MTCL2: variants seen among roughly 807,000 people sequenced by gnomAD.
The protein encoded by MTCL2 is microtubule cross-linking factor 2.
chr20:36,840,154 G>GC, the MTCL2 span, among the ~76,000 whole-genome samples: 2 of 146,020 alleles, frequency 1.4e-5, no homozygotes, highest in East Asian at 4.0e-4. Context: ...GAGCCACCCT[G>GC]CCCAGCCTGG....
chr20:36,808,103 C>A, the MTCL2 span, among the ~76,000 whole-genome samples: 1 of 150,576 alleles, frequency 6.6e-6, no homozygotes, highest in East Asian at 2.0e-4. Flanking sequence ...TCTCGATCTC[C>A]TGACCTCGTG....
At chr20:36,842,065 T>C in the MTCL2 span, among the ~76,000 whole-genome samples, 2 of 152,138 alleles carry the variant, frequency 1.3e-5, no homozygotes, top group African/African-American at 4.8e-5. Context: ...GGTAAGAGTA[T>C]GACCTCACTT....
the MTCL2 span, among the ~76,000 whole-genome samples, chr20:36,841,877 GTGT>G: frequency 4.1e-3 from 296 of 71,760 alleles, 1 homozygote; most frequent in Middle Eastern, 0.031. Context: ...GGGGTGGGGT[GTGT>G]GTGTGTGTGT....
the MTCL2 span, among the ~76,000 whole-genome samples, chr20:36,841,874 G>GGGGTGTGTGTGTGTGTGTGT: frequency 1.4e-3 from 152 of 110,864 alleles, 2 homozygotes; most frequent in African/African-American, 4.6e-3. Flanking sequence ...TGGGGGGTGG[G>GGGGTGTGTGTGTGTGTGTGT]GTGTGTGTGT....
chr20:36,790,688 C>T, the MTCL2 span, among the ~76,000 whole-genome samples: 5 of 151,422 alleles, frequency 3.3e-5, no homozygotes, highest in Admixed American at 6.6e-5. Context: ...CCACCTGCCT[C>T]GGCCTCCCAA....
At chr20:36,855,256 C>T in the MTCL2 span, among the ~76,000 whole-genome samples, 3 of 152,330 alleles carry the variant, frequency 2.0e-5, no homozygotes, top group East Asian at 1.9e-4. Flanking sequence ...CTACAGATGA[C>T]GAGACCGAGG....
chr20:36,832,163 G>A, the MTCL2 span, among the ~76,000 whole-genome samples: 1 of 152,244 alleles, frequency 6.6e-6, no homozygotes, highest in African/African-American at 2.4e-5. Flanking sequence ...GTGAATGACT[G>A]AATATACATG....
chr20:36,797,628 C>G, the MTCL2 span: 1 of 1,508,258 alleles, frequency 6.6e-7, no homozygotes, highest in Middle Eastern at 1.7e-4. Flanking sequence ...TATGCAGGAC[C>G]CTGCTCTAAG....
chr20:36,803,369 C>A, the MTCL2 span, among the ~76,000 whole-genome samples: 2 of 152,210 alleles, frequency 1.3e-5, no homozygotes, highest in Non-Finnish European at 2.9e-5. Context: ...CTCATAAAAA[C>A]TCAGAAAGAT....
At chr20:36,817,306 A>T in the MTCL2 span, 22 of 919,106 alleles carry the variant, frequency 2.4e-5, no homozygotes, top group Non-Finnish European at 3.1e-5. Flanking sequence ...AAGGAAAATG[A>T]GCAAGGGGAG....
chr20:36,833,705 G>T, the MTCL2 span, among the ~76,000 whole-genome samples: 5 of 152,308 alleles, frequency 3.3e-5, no homozygotes, highest in Admixed American at 3.3e-4. Flanking sequence ...TTTAAAATTA[G>T]CAGGGCATGA....
chr20:36,813,752 C>CAAAAAAAAAAAAAAAAAAAAAAA, the MTCL2 span, among the ~76,000 whole-genome samples: 2 of 65,842 alleles, frequency 3.0e-5, no homozygotes, highest in Admixed American at 2.2e-4. Flanking sequence ...GACTCTGTCT[C>CAAAAAAAAAAAAAAAAAAAAAAA]AAAAAAAAAA....
At chr20:36,849,429 C>T in the MTCL2 span, among the ~76,000 whole-genome samples, 3 of 151,900 alleles carry the variant, frequency 2.0e-5, no homozygotes, top group Admixed American at 1.3e-4. Flanking sequence ...TTTCAAATCA[C>T]ACTTTTTACT....
At chr20:36,817,959 C>T in the MTCL2 span, among the ~76,000 whole-genome samples, 3 of 152,218 alleles carry the variant, frequency 2.0e-5, no homozygotes, top group Admixed American at 6.5e-5. Flanking sequence ...CCTCTCCCAG[C>T]GACAGCCATT....
the MTCL2 span, among the ~76,000 whole-genome samples, chr20:36,849,060 C>CTTTTT: frequency 3.1e-4 from 19 of 62,238 alleles, 3 homozygotes; most frequent in South Asian, 2.9e-3. Context: ...AGTTGGTTTC[C>CTTTTT]TTTTTTTTTT....
chr20:36,826,869 G>C, the MTCL2 span, among the ~76,000 whole-genome samples: 1 of 152,106 alleles, frequency 6.6e-6, no homozygotes, highest in Non-Finnish European at 1.5e-5. Flanking sequence ...ACCTAGAAGT[G>C]AGATTGCTGG....
chr20:36,787,796 G>C, the MTCL2 span, among the ~76,000 whole-genome samples: 2 of 148,834 alleles, frequency 1.3e-5, no homozygotes. Flanking sequence ...TAGGGCAGGA[G>C]AATCGCTTAA....
At chr20:36,841,884 T>TGTGG in the MTCL2 span, among the ~76,000 whole-genome samples, 2 of 88,540 alleles carry the variant, frequency 2.3e-5, no homozygotes, top group East Asian at 6.6e-4. Flanking sequence ...GGTGTGTGTG[T>TGTGG]GTGTGTGTGT....
the MTCL2 span, chr20:36,839,256 C>T: frequency 1.9e-6 from 3 of 1,608,278 alleles, no homozygotes; most frequent in South Asian, 1.1e-5. This position sits in a 1 kb window ranked among gnomAD's most constrained non-coding sequence, Gnocchi z 5.1. Context: ...GCTCGCCGTC[C>T]ACCTGGCCGG....
Sources: gnomAD v4.1 joint callset for allele counts (sites outside exome capture counted in the v4.1 genomes callset) on GRCh38, gnomAD v4.1.1 for gene constraint, Gnocchi (gnomAD v3.1) non-coding constraint, MANE v1.5 for transcripts, NCBI Gene and HGNC (gene_info 2026-07-23, HGNC 2026-07-21) for gene names.